ZMYND11: variants seen among roughly 807,000 people sequenced by gnomAD.
ZMYND11 encodes the protein zinc finger MYND-type containing 11, also known as zinc finger MYND domain-containing protein 11.
Under a neutral mutation model 84.9 loss-of-function variants are expected in ZMYND11, and 9 were observed. The observed-to-expected ratio is 0.11, with a 90% CI of 0.06 to 0.18. The LOEUF is 0.18. Ranked by LOEUF, ZMYND11 falls within the 10% of genes least tolerant of loss-of-function variation. The pLI, the probability that ZMYND11 is intolerant of heterozygous loss-of-function variation, is 1.00. For synonymous variants in ZMYND11, 250 were observed against 244.1 expected, an observed-to-expected ratio of 1.02 and a Z score of -0.23; for missense variants, 409 against 761.0, an observed-to-expected ratio of 0.54 and a Z score of 5.44.
chr10:145,703 A>T (rs1554755112), intron 1 of ZMYND11, among the ~76,000 whole-genome samples: 1 of 152,046 alleles, frequency 6.6e-6, no homozygotes, highest in African/African-American at 2.4e-5. Context: ...TTTCTTTGAG[A>T]AGTGTCTATT....
chr10:222,752 A>G (rs1947348721), intron 4 of ZMYND11, among the ~76,000 whole-genome samples: 1 of 151,940 alleles, frequency 6.6e-6, no homozygotes, highest in Non-Finnish European at 1.5e-5. Context: ...GGATCCTAAT[A>G]TGGATGCAGG....
At chr10:233,913 C>CAGAT (rs1293582606) in intron 4 of ZMYND11, among the ~76,000 whole-genome samples, 1 of 152,192 alleles carries the variant, frequency 6.6e-6, no homozygotes, top group East Asian at 1.9e-4. Flanking sequence ...AATATTTAAA[C>CAGAT]ACATAGAACC....
intron 2 of ZMYND11, among the ~76,000 whole-genome samples, chr10:199,048 C>T (rs913945414): frequency 1.3e-5 from 2 of 152,296 alleles, no homozygotes; most frequent in South Asian, 4.1e-4. Context: ...GTTTTTGTCT[C>T]CCTGTCCCCA....
intron 12 of ZMYND11, 69 bp downstream of exon 12, chr10:247,535 T>C (rs1374473682): frequency 3.4e-6 from 5 of 1,458,316 alleles, no homozygotes; most frequent in Non-Finnish European, 4.7e-6. Context: ...TATTTTGTAT[T>C]TTCAAAGTAT....
In ZMYND11 at chr10:236,821, TC is replaced by T; in HGVS notation, c.439-16del. The T allele has an allele frequency of 6.3e-7, 1 of 1,593,556 alleles. No individual in the cohort carries two copies. Among genetic ancestry groups the T allele is most frequent in the African/African-American group, 1.3e-5 (1 of 74,264 alleles). On this transcript the variant is annotated splice_polypyrimidine_tract_variant and intron_variant, in intron 4 of 14. Coordinates refer to ENST00000381604, the MANE Select transcript of ZMYND11 (RefSeq NM_001370100.5). ...GATCAGATTTTGTACCTTTTTTTAT[TC>T]TTTTTTTTTCAATAGAGCATTAAGA...
At chr10:130,939 G>A (rs1336447694), upstream of ZMYND11, among the ~76,000 whole-genome samples, 3 of 151,996 alleles carry the variant, frequency 2.0e-5, no homozygotes, top group African/African-American at 7.2e-5. Flanking sequence ...GCAACATGGC[G>A]AAACCCCATC....
At chr10:242,352 TG>T (rs1399728144) in intron 10 of ZMYND11, among the ~76,000 whole-genome samples, 16 of 152,224 alleles carry the variant, frequency 1.1e-4, no homozygotes, top group African/African-American at 3.9e-4. Context: ...CTGACACTGT[TG>T]AACTTCAGAA....
chr10:224,410 CAGT>C (rs1221951740), intron 4 of ZMYND11, among the ~76,000 whole-genome samples: 1 of 152,108 alleles, frequency 6.6e-6, no homozygotes, highest in African/African-American at 2.4e-5. Flanking sequence ...TTTATGGACA[CAGT>C]AGATTATTAT....
chr10:136,443 A>G (rs1165260905), intron 1 of ZMYND11, among the ~76,000 whole-genome samples: 5 of 152,072 alleles, frequency 3.3e-5, no homozygotes, highest in Admixed American at 2.6e-4. Context: ...CGGGGATTAT[A>G]TATGGTGTGT....
At chr10:141,351 G>A (rs986242954) in intron 1 of ZMYND11, among the ~76,000 whole-genome samples, 2 of 152,158 alleles carry the variant, frequency 1.3e-5, no homozygotes, top group South Asian at 4.1e-4. Flanking sequence ...TGCCATTGTA[G>A]AGTTTTCAGT....
intron 10 of ZMYND11, among the ~76,000 whole-genome samples, chr10:244,877 A>G (rs1183215751): frequency 6.6e-6 from 1 of 152,266 alleles, no homozygotes; most frequent in African/African-American, 2.4e-5. Context: ...AACAGATGTG[A>G]ATCCACTTTA....
At chr10:190,592 T>G (rs186036333) in intron 2 of ZMYND11, among the ~76,000 whole-genome samples, 1 of 152,332 alleles carries the variant, frequency 6.6e-6, no homozygotes, top group Admixed American at 6.5e-5. Flanking sequence ...AAAATTCTCT[T>G]TTGATTTCCT....
intron 3 of ZMYND11, among the ~76,000 whole-genome samples, chr10:217,723 C>T (rs562546813): frequency 5.9e-5 from 9 of 152,176 alleles, no homozygotes; most frequent in Admixed American, 3.9e-4. Flanking sequence ...GGACTGTCTG[C>T]GTATTGACTC....
At chr10:155,198 G>A (rs1223071142) in intron 1 of ZMYND11, among the ~76,000 whole-genome samples, 1 of 152,112 alleles carries the variant, frequency 6.6e-6, no homozygotes, top group African/African-American at 2.4e-5. Context: ...AAAATTTTAG[G>A]TTGAGAAAAG....
chr10:193,312 T>C (rs968725741), intron 2 of ZMYND11, among the ~76,000 whole-genome samples: 1 of 152,222 alleles, frequency 6.6e-6, no homozygotes, highest in Non-Finnish European at 1.5e-5. Flanking sequence ...AAAAACTCTT[T>C]TGGGAGATAT....
In ZMYND11 at chr10:246,980, G is replaced by A. The variant is rs777581768; in HGVS notation, c.1158+7G>A. ...CTCCACCAGTAATGAGCAGGTGAGTGTGTCTCCGGAAGGAAGTGCCTATTC... is the reference window on the plus strand; with the variant it reads ...CTCCACCAGTAATGAGCAGGTGAGTATGTCTCCGGAAGGAAGTGCCTATTC... On this transcript the variant is annotated splice_region_variant and intron_variant, in intron 11 of 14. Transcript: ENST00000381604. 9.4e-6 allele frequency: 15 copies of A among 1,598,104 alleles called. No homozygotes were observed. The highest frequency in any genetic ancestry group is 1.7e-5 in the Admixed American group (1 of 57,624).
At chr10:229,573 C>G (rs968554761) in intron 4 of ZMYND11, among the ~76,000 whole-genome samples, 7 of 151,920 alleles carry the variant, frequency 4.6e-5, no homozygotes, top group Admixed American at 2.6e-4. Flanking sequence ...GTGGGTAGGT[C>G]GAGTTTTCTA....
At chr10:167,549 G>A (rs1844295798) in intron 1 of ZMYND11, among the ~76,000 whole-genome samples, 1 of 152,120 alleles carries the variant, frequency 6.6e-6, no homozygotes, top group East Asian at 1.9e-4. Flanking sequence ...TGATCAATGT[G>A]TTACATAGCA....
At chr10:149,826 A>G (rs912493435) in intron 1 of ZMYND11, among the ~76,000 whole-genome samples, 3 of 152,136 alleles carry the variant, frequency 2.0e-5, no homozygotes, top group African/African-American at 4.8e-5. Flanking sequence ...CATTATTTCA[A>G]CACTTCTTTC....
Sources: gnomAD v4.1 joint callset for allele counts (sites outside exome capture counted in the v4.1 genomes callset) on GRCh38, gnomAD v4.1.1 for gene constraint, MANE v1.5 for transcripts, NCBI Gene and HGNC (gene_info 2026-07-23, HGNC 2026-07-21) for gene names.